Variants in IRF9 observed in about 807,000 individuals in gnomAD.
The protein encoded by IRF9 is IFN-alpha-responsive transcription factor subunit.
A neutral mutation model predicts 44.1 loss-of-function variants in IRF9; 13 were observed. The ratio of observed to expected loss-of-function variants is 0.29; its 90% CI spans 0.19 to 0.47. IRF9 has a LOEUF of 0.47. Ranked by LOEUF, IRF9 falls within the 20% of genes least tolerant of loss-of-function variation. The probability of loss-of-function intolerance (pLI) is 1.00; values close to 1 mark genes in which losing one functional copy is unlikely to be tolerated. For missense variants in IRF9, 373 were observed against 496.1 expected (o/e 0.75, Z 2.36); for synonymous variants, 189 against 188.5 (o/e 1.00, Z -0.02).
intron 3 of IRF9, 33 bp downstream of exon 3, chr14:24,163,182 T>G (rs1484990408): frequency 1.2e-6 from 2 of 1,607,942 alleles, no homozygotes; most frequent in Non-Finnish European, 1.7e-6. Flanking sequence ...ACTGCTAGAC[T>G]CAGCAGACTG....
In IRF9 at chr14:24,163,943, C is replaced by T. The variant is rs1448536650; in HGVS notation, c.561C>T (p.Ser187=). 5.0e-6 allele frequency: 8 copies of T among 1,607,726 alleles called. No homozygotes were observed. The highest frequency in any genetic ancestry group is 1.1e-5 in the South Asian group (1 of 90,394). Residue 187 remains serine, a synonymous_variant, in exon 5 of 9, where the codon AGC becomes AGT. Coordinates refer to ENST00000396864, the MANE Select transcript of IRF9 (RefSeq NM_006084.5). Reference sequence around the variant, plus strand: ...TTGGGAGCAGCAGCAGCAGCAGCAGCCCTGAGCCACAGGAAGGTACCACCT... The same window carrying T: ...TTGGGAGCAGCAGCAGCAGCAGCAGTCCTGAGCCACAGGAAGGTACCACCT... The part of the protein sequence containing the change: ...SDIGSSSSSS[S]PEPQEVTDTT...
chr14:24,161,899 G>A (rs1025511380), intron 1 of IRF9, among the ~76,000 whole-genome samples: 2 of 152,186 alleles, frequency 1.3e-5, no homozygotes, highest in Non-Finnish European at 2.9e-5. Flanking sequence ...AGGTATCACA[G>A]CTTAGAGTGC....
Position 24,163,161 on chromosome 14 carries a change from C to T in IRF9, c.364+12C>T, listed in dbSNP as rs751028435. 6.2e-7 allele frequency: 1 copy of T among 1,612,874 alleles called. No homozygotes were observed. The highest frequency in any genetic ancestry group is 8.5e-7 in the Non-Finnish European group (1 of 1,179,444). On this transcript the variant is annotated intron_variant, in intron 3 of 8. Coordinates refer to ENST00000396864, the MANE Select transcript of IRF9 (RefSeq NM_006084.5). The stretch of plus-strand genomic sequence containing the variant: ...AGGAATCGTCTCTGGTGAGTTTCCC[C>T]TTGTCCAACCACTGCTAGACTCAGC...
chr14:24,161,993 C>A, intron 1 of IRF9, 151 bp from the exon 2 acceptor site: 1 of 699,878 alleles, frequency 1.4e-6, no homozygotes, highest in Non-Finnish European at 2.5e-6. Context: ...AATTCTGTCC[C>A]ATAGAGTGTT....
Position 24,163,038 on chromosome 14 carries a change from C to T in IRF9, c.253C>T (p.Arg85Cys), listed in dbSNP as rs748503040. The T allele has an allele frequency of 2.5e-6, 4 of 1,614,076 alleles. No homozygotes were observed. The highest frequency in any genetic ancestry group is 3.4e-6 in the Non-Finnish European group (4 of 1,179,988). ...TCCAGCTGTCTGGAAGACTCGCCTGCGCTGTGCACTCAACAAGAGTTCTGA... is the reference window on the plus strand; with the variant it reads ...TCCAGCTGTCTGGAAGACTCGCCTGTGCTGTGCACTCAACAAGAGTTCTGA... ...GGPAVWKTRL[R>C]CALNKSSEFK... The change falls in exon 3 of 9, where the codon CGC (arginine) becomes TGC (cysteine). Residue 85 changes from arginine to cysteine, a missense_variant. By Grantham distance (180) the Arg-to-Cys change is radical. Around this residue, in one of 2 missense-constraint regions of IRF9, gnomAD observed 227 missense variants for 255.3 expected, o/e 0.89. Coordinates refer to ENST00000396864, the MANE Select transcript of IRF9 (RefSeq NM_006084.5).
chr14:24,165,776 A>C (rs1594390824), intron 7 of IRF9, 71 bp from the exon 8 acceptor site: 1 of 1,043,514 alleles, frequency 9.6e-7, no homozygotes, highest in Non-Finnish European at 1.4e-6. Flanking sequence ...TGGGTTCCTC[A>C]CTATTGCCTC....
At chr14:24,163,761 C>G (rs973183138) in intron 4 of IRF9, 117 bp from the exon 5 acceptor site, 36 of 1,095,616 alleles carry the variant, frequency 3.3e-5, no homozygotes, top group Non-Finnish European at 3.9e-5. Context: ...TCGCTTGAAC[C>G]GGGGGGCGGA....
In IRF9 at chr14:24,166,112, T is replaced by C. The variant is rs763915643; in HGVS notation, c.1108-10T>C. ...CACTGAGATGCTCTTCTCCATCTCT[T>C]CCAATACAGATGGAGCAGGCCTTTG... On this transcript the variant is annotated splice_polypyrimidine_tract_variant and intron_variant, in intron 8 of 8. Coordinates refer to ENST00000396864, the MANE Select transcript of IRF9 (RefSeq NM_006084.5). The C allele has an allele frequency of 4.3e-6, 7 of 1,612,870 alleles. No individual in the cohort carries two copies. The highest frequency in any genetic ancestry group is 5.9e-6 in the Non-Finnish European group (7 of 1,179,322).
chr14:24,164,279 G>A lies in IRF9; in HGVS notation c.649+145G>A, dbSNP rs999682925. 6.8e-6 allele frequency: 5 copies of A among 740,006 alleles called. No homozygotes were observed. Among genetic ancestry groups the A allele is most frequent in the Non-Finnish European group, 9.1e-6 (4 of 440,550 alleles). 45.8% of individuals were successfully genotyped at this position (740,006 alleles called of 1,614,324 possible). A position where few individuals can be genotyped will look rare whatever the true frequency, so the allele number is the denominator to read the frequency against. Reference sequence around the variant, plus strand: ...CCCTAGGCAGTGGTTTCTAGGTGGCGAGAATTCCATATGCCTGGCCAGACT... The same window carrying A: ...CCCTAGGCAGTGGTTTCTAGGTGGCAAGAATTCCATATGCCTGGCCAGACT... On this transcript the variant is annotated intron_variant, in intron 6 of 8. Coordinates refer to ENST00000396864, the MANE Select transcript of IRF9 (RefSeq NM_006084.5). The surrounding 1 kb of genome is among the most constrained non-coding windows in gnomAD (Gnocchi z 5.2).
Position 24,164,194 on chromosome 14 carries a change from CTA to C in IRF9, c.649+62_649+63del. 7.3e-7 allele frequency: 1 copy of C among 1,369,024 alleles called. No individual in the cohort carries two copies. The highest frequency in any genetic ancestry group is 1.0e-6 in the Non-Finnish European group (1 of 957,246). The allele number at this position is 1,369,024 out of a possible 1,614,324, so 84.8% of individuals were successfully genotyped here. A position where few individuals can be genotyped will look rare whatever the true frequency, so the allele number is the denominator to read the frequency against. Reference sequence around the variant, plus strand: ...TGCCCCTGAGGTCTTCCACCTTTGACTATGCATGCATTATCTAGTCAGTCAGG... The same window carrying C: ...TGCCCCTGAGGTCTTCCACCTTTGACTGCATGCATTATCTAGTCAGTCAGG... On this transcript the variant is annotated intron_variant, in intron 6 of 8. Coordinates refer to ENST00000396864, the MANE Select transcript of IRF9 (RefSeq NM_006084.5). The surrounding 1 kb of genome is among the most constrained non-coding windows in gnomAD (Gnocchi z 5.2).
At chr14:24,163,569 T>A (rs2038486074) in intron 4 of IRF9, 61 bp downstream of exon 4, 1 of 1,565,502 alleles carries the variant, frequency 6.4e-7, no homozygotes, top group Non-Finnish European at 8.7e-7. Context: ...GAGGGAGAGG[T>A]GGGCCAATGA....
chr14:24,162,246 T>C lies in IRF9; in HGVS notation c.102T>C (p.Ala34=), dbSNP rs2038467062. 6.2e-7 allele frequency: 1 copy of C among 1,614,118 alleles called. No homozygotes were observed. Among genetic ancestry groups the C allele is most frequent in the Non-Finnish European group, 8.5e-7 (1 of 1,180,012 alleles). The change falls in exon 2 of 9, where the codon GCT becomes GCC. Residue 34 remains alanine (A), a synonymous_variant. Transcript: ENST00000396864. ...QFPGVCWDDT[A]KTMFRIPWKH... ...CCGGAGTGTGCTGGGATGATACAGC[T>C]AAGACCATGTTCCGGATTCCCTGGA...
intron 1 of IRF9, 138 bp downstream of exon 1, chr14:24,161,476 A>T (rs1238389522): frequency 6.6e-6 from 1 of 152,512 alleles, no homozygotes; most frequent in Non-Finnish European, 1.5e-5. Flanking sequence ...GAAGTGGGAG[A>T]TTCAGCCTGA....
At chr14:24,161,839 A>C (rs2038460730) in intron 1 of IRF9, among the ~76,000 whole-genome samples, 2 of 152,168 alleles carry the variant, frequency 1.3e-5, no homozygotes, top group South Asian at 4.1e-4. Flanking sequence ...TGTAAACAAT[A>C]CATCTCTGAA....
Position 24,166,301 on chromosome 14 carries a change from A to C in IRF9, c.*105A>C. 1.5e-5 allele frequency: 15 copies of C among 1,000,108 alleles called. No homozygotes were observed. The highest frequency in any genetic ancestry group is 2.3e-5 in the Non-Finnish European group (15 of 649,644). 62.0% of individuals were successfully genotyped at this position (1,000,108 alleles called of 1,614,324 possible). ...ACCTGTCCTCTTTGTGATAATTCTC[A>C]GTAGTTGTCCGTGATAATCGTGTCC... On this transcript the variant is annotated 3_prime_UTR_variant, in exon 9 of 9. Coordinates refer to ENST00000396864, the MANE Select transcript of IRF9 (RefSeq NM_006084.5).
At chr14:24,165,477 G>T in intron 7 of IRF9, 1 of 544,882 alleles carries the variant, frequency 1.8e-6, no homozygotes, top group Non-Finnish European at 3.3e-6. Context: ...AGGGGGTGCA[G>T]AGTGTGGGTG....
chr14:24,162,033 A>C, intron 1 of IRF9, 111 bp from the exon 2 acceptor site: 1 of 979,952 alleles, frequency 1.0e-6, no homozygotes, highest in Non-Finnish European at 1.6e-6. Flanking sequence ...AAGAAGATGG[A>C]TGGGATCTCT....
chr14:24,164,601 G>A lies in IRF9; in HGVS notation c.650-13G>A, dbSNP rs1452765620. On this transcript the variant is annotated splice_polypyrimidine_tract_variant and intron_variant, in intron 6 of 8. Coordinates refer to ENST00000396864, the MANE Select transcript of IRF9 (RefSeq NM_006084.5). The surrounding 1 kb of genome is among the most constrained non-coding windows in gnomAD (Gnocchi z 5.2). ...TGCTCCTCCAGCACCAGGTAGGGCT[G>A]TTCTATCCCCAGACTACTCACTGCT... 1 of 1,573,852 alleles carries A rather than the reference G, an allele frequency of 6.4e-7. No homozygotes were observed. Among genetic ancestry groups the A allele is most frequent in the African/African-American group, 1.3e-5 (1 of 74,514 alleles).
intron 2 of IRF9, 200 bp downstream of exon 2, chr14:24,162,524 A>G: frequency 1.7e-6 from 1 of 571,588 alleles, no homozygotes; most frequent in Admixed American, 3.6e-5. Context: ...GATATTGGCC[A>G]GGCACGGTGG....
Sources: allele counts gnomAD v4.1 joint callset (sites outside exome capture counted in the v4.1 genomes callset), GRCh38; gene constraint gnomAD v4.1.1; regional missense constraint gnomAD v4.1.1; non-coding constraint Gnocchi (gnomAD v3.1); transcripts MANE v1.5; gene names NCBI Gene and HGNC (gene_info 2026-07-23, HGNC 2026-07-21).